STAU2: variants seen among roughly 807,000 people sequenced by gnomAD.
The protein encoded by STAU2 is double-stranded RNA-binding protein Staufen homolog 2.
Under a neutral mutation model 65.9 loss-of-function variants are expected in STAU2, and 20 were observed. The observed-to-expected ratio is 0.30, with a 90% CI of 0.21 to 0.44. The LOEUF is 0.44. Ranked by LOEUF, STAU2 falls within the 20% of genes least tolerant of loss-of-function variation. The pLI is 1.00. For missense variants in STAU2, 558 were observed against 683.9 expected (o/e 0.82, Z 2.05); for synonymous variants, 232 against 233.9 (o/e 0.99, Z 0.07).
intron 3 of STAU2, among the ~76,000 whole-genome samples, chr8:73,721,318 C>CAAAAAAAAA (rs1821670130): frequency 8.0e-6 from 1 of 125,042 alleles, no homozygotes; most frequent in African/African-American, 3.1e-5. Context: ...AAAAAAAAGT[C>CAAAAAAAAA]CTTTATGGCC....
At chr8:73,496,387 T>C (rs1376652885) in intron 13 of STAU2, among the ~76,000 whole-genome samples, 1 of 151,700 alleles carries the variant, frequency 6.6e-6, no homozygotes, top group African/African-American at 2.4e-5. Context: ...GGAATGTGTA[T>C]GTGTCTGTGT....
intron 13 of STAU2, among the ~76,000 whole-genome samples, chr8:73,537,629 A>G (rs1335848607): frequency 6.6e-6 from 1 of 152,364 alleles, no homozygotes; most frequent in East Asian, 1.9e-4. Flanking sequence ...TCCCTGAGGA[A>G]GAAAGGAAAA....
chr8:73,503,410 A>G (rs1212395297), intron 13 of STAU2, among the ~76,000 whole-genome samples: 3 of 152,122 alleles, frequency 2.0e-5, no homozygotes, highest in East Asian at 3.9e-4. Context: ...TATCATCTAC[A>G]TAAACTGAGA....
At chr8:73,676,398 T>C (rs1218298645) in intron 5 of STAU2, among the ~76,000 whole-genome samples, 1 of 152,208 alleles carries the variant, frequency 6.6e-6, no homozygotes, top group Non-Finnish European at 1.5e-5. Flanking sequence ...CCTCACATCA[T>C]ACATTAAACT....
chr8:73,603,677 T>A, intron 10 of STAU2, 49 bp downstream of exon 10: 1 of 1,590,182 alleles, frequency 6.3e-7, no homozygotes, highest in African/African-American at 1.4e-5. Context: ...GCCTATTCCA[T>A]CCTGGGGATT....
chr8:73,478,176 TTAAAGA>T (rs1820415849), intron 13 of STAU2, among the ~76,000 whole-genome samples: 2 of 151,564 alleles, frequency 1.3e-5, no homozygotes, highest in Non-Finnish European at 2.9e-5. Flanking sequence ...GCTATAAAGA[TTAAAGA>T]TAAAGTATAT....
intron 5 of STAU2, among the ~76,000 whole-genome samples, chr8:73,687,294 T>TTATATC (rs1818934034): frequency 7.8e-6 from 1 of 128,630 alleles, no homozygotes; most frequent in East Asian, 2.0e-4. Context: ...AAATTTATAT[T>TTATATC]TATATTTATA....
intron 11 of STAU2, among the ~76,000 whole-genome samples, chr8:73,592,610 G>A (rs1810902815): frequency 6.6e-6 from 1 of 152,108 alleles, no homozygotes; most frequent in Admixed American, 6.5e-5. Flanking sequence ...TGTAATCCCA[G>A]CACCTTGGGA....
intron 11 of STAU2, among the ~76,000 whole-genome samples, chr8:73,594,602 T>C (rs1417879519): frequency 6.6e-6 from 1 of 152,234 alleles, no homozygotes; most frequent in African/African-American, 2.4e-5. Context: ...CAGGGTTCTC[T>C]GCTTCCCTTG....
rs757383181 is a variant in STAU2, at chr8:73,421,257, C to T, written c.*115G>A. ...ATCTCTCGTGTTAGAATAGTGTTGT[C>T]TTCACATAAGACTCAAATAATGGTA... is the stretch of plus-strand genomic sequence containing the variant. On this transcript the variant is annotated 3_prime_UTR_variant, in exon 15 of 15. Transcript: ENST00000524300. The T allele has an allele frequency of 2.5e-5, 21 of 851,604 alleles. No homozygotes were observed. The highest frequency in any genetic ancestry group is 3.4e-5 in the Non-Finnish European group (18 of 536,812). The allele number at this position is 851,604 out of a possible 1,614,324, so 52.8% of individuals were successfully genotyped here.
Position 73,422,699 on chromosome 8 carries a change from C to A in STAU2, c.1534G>T (p.Ala512Ser). Reference sequence around the variant, plus strand: ...GAAAATTGTTTCAAGGCACTTAAGGCTGCCTAAAAATGAAAACAAACAGAG... The same window carrying A: ...GAAAATTGTTTCAAGGCACTTAAGGATGCCTAAAAATGAAAACAAACAGAG... ...YLARIQGFQAALSALKQFSEQ... is the reference protein window; with the variant it reads ...YLARIQGFQASLSALKQFSEQ... Residue 512 changes from alanine (A) to serine (S), a missense_variant, in exon 14 of 15, where the codon GCC (alanine) becomes TCC (serine). Physicochemically the swap from Ala to Ser is moderately conservative, Grantham distance 99. Transcript: ENST00000524300. 1 of 1,475,344 alleles carries A rather than the reference C, an allele frequency of 6.8e-7. No homozygotes were observed. 91.4% of individuals were successfully genotyped at this position (1,475,344 alleles called of 1,614,324 possible). A position where few individuals can be genotyped will look rare whatever the true frequency, so the allele number is the denominator to read the frequency against.
At chr8:73,642,240 CTT>C (rs1248864123) in intron 6 of STAU2, among the ~76,000 whole-genome samples, 7 of 152,136 alleles carry the variant, frequency 4.6e-5, no homozygotes, top group African/African-American at 7.2e-5. Context: ...AAACTTTCAT[CTT>C]TGCCAGGTGC....
chr8:73,557,907 T>C (rs10087203), intron 12 of STAU2, among the ~76,000 whole-genome samples: 108,421 of 152,136 alleles, frequency 0.71, 39,291 homozygotes, highest in Non-Finnish European at 0.79. Flanking sequence ...ACAGTTACAA[T>C]GCAGATACAA....
At chr8:73,563,326 C>T (rs1808373898) in intron 12 of STAU2, among the ~76,000 whole-genome samples, 1 of 152,134 alleles carries the variant, frequency 6.6e-6, no homozygotes, top group African/African-American at 2.4e-5. Context: ...ATGCCCCCCA[C>T]CTCCGTGCTG....
At chr8:73,665,962 G>A (rs148934248) in intron 6 of STAU2, among the ~76,000 whole-genome samples, 7 of 152,148 alleles carry the variant, frequency 4.6e-5, no homozygotes, top group South Asian at 2.1e-4. Context: ...GTTACACTGC[G>A]TTGTTTAGGA....
chr8:73,665,717 AC>A (rs761248765), intron 6 of STAU2, among the ~76,000 whole-genome samples: 1 of 152,180 alleles, frequency 6.6e-6, no homozygotes, highest in Non-Finnish European at 1.5e-5. Context: ...TGGTACAAAT[AC>A]AGTCATCCCT....
chr8:73,559,712 A>G (rs1048793286), intron 12 of STAU2, among the ~76,000 whole-genome samples: 1 of 152,234 alleles, frequency 6.6e-6, no homozygotes, highest in African/African-American at 2.4e-5. Context: ...TGTGAGCTAC[A>G]GAAATCCCCC....
chr8:73,700,554 A>T (rs529903465), intron 4 of STAU2, among the ~76,000 whole-genome samples: 6 of 152,136 alleles, frequency 3.9e-5, no homozygotes, highest in African/African-American at 1.4e-4. Context: ...AAATCAAAAA[A>T]GTAATCCCAT....
intron 3 of STAU2, among the ~76,000 whole-genome samples, chr8:73,733,704 G>T (rs1006231888): frequency 6.6e-6 from 1 of 151,968 alleles, no homozygotes; most frequent in Non-Finnish European, 1.5e-5. Flanking sequence ...GGCAAAACAC[G>T]AAAGAACAAA....
Sources: gnomAD v4.1 joint callset for allele counts (sites outside exome capture counted in the v4.1 genomes callset) on GRCh38, gnomAD v4.1.1 for gene constraint, MANE v1.5 for transcripts, NCBI Gene and HGNC (gene_info 2026-07-23, HGNC 2026-07-21) for gene names.